The following NREP variants were observed in gnomAD, a reference collection of about 807,000 sequenced individuals.
NREP encodes the protein neuronal regeneration-related protein.
A neutral mutation model predicts 8.6 loss-of-function variants in NREP; 5 were observed. That is an observed-to-expected ratio of 0.58 (90% CI 0.30 to 1.22). The LOEUF is 1.22. NREP is among the 50% of genes most tolerant of loss of function. NREP has a pLI of 0.07. For synonymous variants in NREP, 27 were observed against 28.0 expected (o/e 0.96, Z 0.11); for missense variants, 86 against 82.5 (o/e 1.04, Z -0.17).
At chr5:111,832,044 G>A (rs1752781682) in intron 2 of NREP, among the ~76,000 whole-genome samples, 1 of 152,076 alleles carries the variant, frequency 6.6e-6, no homozygotes, top group Non-Finnish European at 1.5e-5. Flanking sequence ...CCTTCTGGAC[G>A]AAAGGTCTAA....
intron 2 of NREP, among the ~76,000 whole-genome samples, chr5:111,842,476 T>C (rs897813758): frequency 1.3e-5 from 2 of 152,170 alleles, no homozygotes; most frequent in Non-Finnish European, 2.9e-5. Context: ...CCCAGAACTC[T>C]ACATTTCAAC....
At chr5:111,960,150 T>C (rs1756440531) in intron 2 of NREP, among the ~76,000 whole-genome samples, 1 of 152,172 alleles carries the variant, frequency 6.6e-6, no homozygotes, top group Admixed American at 6.5e-5. Context: ...ATTATGTTGA[T>C]TCTTAACACT....
intron 2 of NREP, among the ~76,000 whole-genome samples, chr5:111,752,639 T>C (rs1290335736): frequency 1.3e-5 from 2 of 152,222 alleles, no homozygotes; most frequent in Non-Finnish European, 2.9e-5. Context: ...CAGAGCTCTA[T>C]GAATGGTACA....
At chr5:111,944,826 C>T (rs867575405) in intron 2 of NREP, among the ~76,000 whole-genome samples, 207 of 152,110 alleles carry the variant, frequency 1.4e-3, no homozygotes, top group African/African-American at 4.8e-3. Flanking sequence ...ATTAACCTAA[C>T]CTACAGTCCC....
chr5:111,870,863 T>A (rs1753772774), intron 2 of NREP, among the ~76,000 whole-genome samples: 1 of 89,478 alleles, frequency 1.1e-5, no homozygotes, highest in Non-Finnish European at 2.8e-5. Flanking sequence ...TTACCCAGAG[T>A]TTTATAGGAA....
At chr5:111,930,824 A>T (rs1416382918) in intron 2 of NREP, among the ~76,000 whole-genome samples, 2 of 152,166 alleles carry the variant, frequency 1.3e-5, no homozygotes, top group Non-Finnish European at 2.9e-5. Context: ...TCTGACACAG[A>T]TGTGGTCAAG....
At chr5:111,776,929 C>T (rs1338859142) in intron 2 of NREP, among the ~76,000 whole-genome samples, 2 of 146,974 alleles carry the variant, frequency 1.4e-5, no homozygotes, top group African/African-American at 5.0e-5. Context: ...GCACTATATA[C>T]ACTTTCTAAT....
chr5:111,930,957 C>T (rs576149030), intron 2 of NREP, among the ~76,000 whole-genome samples: 2 of 152,216 alleles, frequency 1.3e-5, no homozygotes, highest in African/African-American at 2.4e-5. Flanking sequence ...ATAGCTCTTA[C>T]TTATGCCATC....
chr5:111,961,531 A>C (rs78277723), intron 2 of NREP, among the ~76,000 whole-genome samples: 2,709 of 152,280 alleles, frequency 0.018, 29 homozygotes, highest in South Asian at 0.035. Context: ...AGTTTCATTT[A>C]AGACTGTTTT....
intron 2 of NREP, among the ~76,000 whole-genome samples, chr5:111,828,041 T>G (rs1752669766): frequency 6.6e-6 from 1 of 152,122 alleles, no homozygotes; most frequent in South Asian, 2.1e-4. Flanking sequence ...GAATTTTTTT[T>G]TTTTTAAGAC....
intron 2 of NREP, among the ~76,000 whole-genome samples, chr5:111,911,148 C>A (rs912512351): frequency 2.6e-5 from 4 of 151,306 alleles, no homozygotes; most frequent in African/African-American, 9.8e-5. Context: ...CTGGATATCA[C>A]CCCTGCACCC....
chr5:111,779,680 T>A (rs561676113), intron 2 of NREP, among the ~76,000 whole-genome samples: 66 of 152,296 alleles, frequency 4.3e-4, no homozygotes, highest in African/African-American at 1.6e-3. Flanking sequence ...AGAATCTGGC[T>A]AGAGACTATT....
intron 2 of NREP, among the ~76,000 whole-genome samples, chr5:111,748,839 A>C (rs1750176773): frequency 6.6e-6 from 1 of 152,186 alleles, no homozygotes; most frequent in South Asian, 2.1e-4. Flanking sequence ...ATATTCTTCT[A>C]TCAAGTATAC....
At chr5:111,914,973 A>T (rs1755015415) in intron 2 of NREP, among the ~76,000 whole-genome samples, 1 of 152,118 alleles carries the variant, frequency 6.6e-6, no homozygotes, top group African/African-American at 2.4e-5. Flanking sequence ...CTATGCATTA[A>T]TACAAGTCCT....
At chr5:111,855,138 C>T (rs1481035627) in intron 2 of NREP, among the ~76,000 whole-genome samples, 3 of 151,952 alleles carry the variant, frequency 2.0e-5, no homozygotes, top group South Asian at 2.1e-4. Context: ...TTAAATTGTT[C>T]CAGAAAGTGT....
chr5:111,758,334 C>G, upstream of NREP: 1 of 796,916 alleles, frequency 1.3e-6, no homozygotes, highest in Non-Finnish European at 1.5e-6. Context: ...ATACGCTCCC[C>G]CACTGCCTGC....
At chr5:111,804,199 T>A (rs921989836) in intron 2 of NREP, among the ~76,000 whole-genome samples, 2 of 152,186 alleles carry the variant, frequency 1.3e-5, no homozygotes, top group Non-Finnish European at 2.9e-5. Flanking sequence ...AGAACCATAA[T>A]AGAATAGAAA....
At chr5:111,802,304 A>T (rs4957977) in intron 2 of NREP, among the ~76,000 whole-genome samples, 76,561 of 151,996 alleles carry the variant, frequency 0.5, 20,784 homozygotes, top group African/African-American at 0.69. Context: ...ATACACTGTT[A>T]AAAAAGTATA....
At chr5:111,918,927 C>A (rs898810802) in intron 2 of NREP, among the ~76,000 whole-genome samples, 8 of 149,770 alleles carry the variant, frequency 5.3e-5, no homozygotes, top group Admixed American at 1.3e-4. Flanking sequence ...ACAAAACTAT[C>A]ATCAGAGTGA....
Sources: gnomAD v4.1 joint callset for allele counts (sites outside exome capture counted in the v4.1 genomes callset) on GRCh38, gnomAD v4.1.1 for gene constraint, MANE v1.5 for transcripts, NCBI Gene and HGNC (gene_info 2026-07-23, HGNC 2026-07-21) for gene names.